Variants in HSD17B4 observed in about 807,000 individuals in gnomAD.
HSD17B4 encodes the protein hydroxysteroid 17-beta dehydrogenase 4, also known as peroxisomal multifunctional enzyme type 2.
A neutral mutation model predicts 101.0 loss-of-function variants in HSD17B4; 70 were observed. The observed-to-expected ratio is 0.69, with a 90% CI of 0.57 to 0.85. HSD17B4 has a LOEUF of 0.85. Ranked by LOEUF, HSD17B4 falls within the 40% of genes least tolerant of loss-of-function variation. HSD17B4 has a pLI of 0.00. For missense variants in HSD17B4, 984 were observed against 892.4 expected, an observed-to-expected ratio of 1.10 and a Z score of -1.31; for synonymous variants, 347 against 297.1, an observed-to-expected ratio of 1.17 and a Z score of -1.73.
chr5:119,458,061 A>G (rs369581945), intron 2 of HSD17B4, among the ~76,000 whole-genome samples: 1 of 152,214 alleles, frequency 6.6e-6, no homozygotes, highest in Non-Finnish European at 1.5e-5. Context: ...AAAAAATTAA[A>G]CAGAGATGCT....
At chr5:119,517,594 C>T (rs976510928) in intron 17 of HSD17B4, among the ~76,000 whole-genome samples, 1 of 152,212 alleles carries the variant, frequency 6.6e-6, no homozygotes, top group Non-Finnish European at 1.5e-5. Flanking sequence ...CATGGAGAAC[C>T]TTTATGTCAG....
chr5:119,476,719 A>G (rs1748618484), intron 6 of HSD17B4: 4 of 985,222 alleles, frequency 4.1e-6, no homozygotes, highest in Non-Finnish European at 1.2e-6. Context: ...CTGCAACGGG[A>G]CTGAGGTATT....
Position 119,499,612 on chromosome 5 carries a change from AT to A in HSD17B4, c.1209+60del, listed in dbSNP as rs949949491. The A allele has an allele frequency of 1.7e-4, 160 of 920,460 alleles. No homozygotes were observed. The African/African-American group carries it at 2.4e-3, about 14-fold the overall frequency. 57.0% of individuals were successfully genotyped at this position (920,460 alleles called of 1,614,324 possible). A position where few individuals can be genotyped will look rare whatever the true frequency, so the allele number is the denominator to read the frequency against. On this transcript the variant is annotated intron_variant, in intron 13 of 23. Coordinates refer to ENST00000510025, the MANE Select transcript of HSD17B4 (RefSeq NM_000414.4). ...CTATTTCTGTAAATATTATTCATTA[AT>A]GTCATATCTTATATATATGTGTGTG...
At chr5:119,481,752 C>A (rs960418108) in intron 8 of HSD17B4, among the ~76,000 whole-genome samples, 3 of 152,046 alleles carry the variant, frequency 2.0e-5, no homozygotes, top group African/African-American at 7.2e-5. Context: ...TTGCCACAAA[C>A]CTTCAATTTG....
Position 119,494,325 on chromosome 5 carries a change from T to TTTTCTTTCTTTCTTTCTTTC in HSD17B4, c.868+425_868+444dup, listed in dbSNP as rs66578057. ...TTCTCTTTCTTCCTTTCTTTCTTTC[T>TTTTCTTTCTTTCTTTCTTTC]TTTCTTTCTTTCTTTCTTTCTTTCT... On this transcript the variant is annotated intron_variant, in intron 11 of 23. Coordinates refer to ENST00000510025, the MANE Select transcript of HSD17B4 (RefSeq NM_000414.4). Among the ~76,000 whole-genome samples, 9 of 111,614 alleles carry TTTTCTTTCTTTCTTTCTTTC rather than the reference T, an allele frequency of 8.1e-5. 1 individual carries two copies. Among genetic ancestry groups the TTTTCTTTCTTTCTTTCTTTC allele is most frequent in the East Asian group, 5.2e-4 (2 of 3,844 alleles). 73.2% of individuals were successfully genotyped at this position (111,614 alleles called of 152,430 possible). A position where few individuals can be genotyped will look rare whatever the true frequency, so the allele number is the denominator to read the frequency against.
chr5:119,490,262 CT>C (rs1749984267), intron 9 of HSD17B4, among the ~76,000 whole-genome samples: 1 of 152,116 alleles, frequency 6.6e-6, no homozygotes, highest in Non-Finnish European at 1.5e-5. Context: ...GTAGAAAGAA[CT>C]TTACAACTCT....
At chr5:119,535,947 C>G (rs1448894040) in intron 22 of HSD17B4, 1 of 187,496 alleles carries the variant, frequency 5.3e-6, no homozygotes, top group South Asian at 1.0e-4. Context: ...TCATCTGTTA[C>G]CTCACCCCTC....
chr5:119,452,591 A>G lies in HSD17B4; in HGVS notation c.16A>G (p.Arg6Gly). The part of the protein sequence containing the change: MGSPL[R>G]FDGRVVLVTG... ...GGCCTTATTCATGGGCTCACCGCTGAGGTTCGACGGGCGGGTGGTACTGGT... is the reference window on the plus strand; with the variant it reads ...GGCCTTATTCATGGGCTCACCGCTGGGGTTCGACGGGCGGGTGGTACTGGT... Residue 6 changes from arginine (R) to glycine (G), a missense_variant, in exon 1 of 24, where the codon AGG becomes GGG. Transcript: ENST00000510025. 1 of 1,613,850 alleles carries G rather than the reference A, an allele frequency of 6.2e-7. No individual in the cohort carries two copies. The highest frequency in any genetic ancestry group is 1.1e-5 in the South Asian group (1 of 91,070).
At chr5:119,479,271 T>C (rs971330629) in intron 8 of HSD17B4, among the ~76,000 whole-genome samples, 14 of 152,326 alleles carry the variant, frequency 9.2e-5, no homozygotes, top group African/African-American at 2.9e-4. Context: ...ATAATTTTTT[T>C]TTTGTTTTAC....
At chr5:119,529,872 T>C (rs749982145) in intron 20 of HSD17B4, 22 bp from the exon 21 acceptor site, 1 of 1,399,394 alleles carries the variant, frequency 7.1e-7, no homozygotes, top group South Asian at 1.2e-5. Context: ...AATAAATCTT[T>C]TTTTTTTCTT....
rs146339815 is a variant in HSD17B4, at chr5:119,466,871, T to G, written c.113-7037T>G. Among the ~76,000 whole-genome samples the G allele has an allele frequency of 5.3e-3, 810 of 152,278 alleles. 3 individuals carry two copies. The highest frequency in any genetic ancestry group is 0.02 in the Middle Eastern group (6 of 294). On this transcript the variant is annotated intron_variant, in intron 2 of 23. Transcript: ENST00000510025. ...AGTTCTTTTAGATGCATTTTTAGATTGTTTATTTGAATTCTTTCTACTTTT... is the reference window on the plus strand; with the variant it reads ...AGTTCTTTTAGATGCATTTTTAGATGGTTTATTTGAATTCTTTCTACTTTT...
intron 21 of HSD17B4, 52 bp from the exon 22 acceptor site, chr5:119,531,214 C>G: frequency 6.3e-7 from 1 of 1,583,718 alleles, no homozygotes; most frequent in South Asian, 1.1e-5. Context: ...TCACTTTTCT[C>G]CATGAGTTAT....
chr5:119,493,812 A>G lies in HSD17B4; in HGVS notation c.740-6A>G. 1.2e-6 allele frequency: 2 copies of G among 1,611,964 alleles called. No individual in the cohort carries two copies. Among genetic ancestry groups the G allele is most frequent in the South Asian group, 1.1e-5 (1 of 91,044 alleles). On this transcript the variant is annotated splice_polypyrimidine_tract_variant and splice_region_variant and intron_variant, in intron 10 of 23. Coordinates refer to ENST00000510025, the MANE Select transcript of HSD17B4 (RefSeq NM_000414.4). ...CTCAGTATGTTAGTTTTGTTTCTAT[A>G]ACCAGTACGCTGGGAGCGGACTCTT...
chr5:119,502,119 A>C, intron 14 of HSD17B4, 27 bp downstream of exon 14: 1 of 1,378,938 alleles, frequency 7.3e-7, no homozygotes, highest in Non-Finnish European at 1.0e-6. Flanking sequence ...CTAATTCCAT[A>C]ATACCATACT....
At position 119,478,926 on chromosome 5, in the gene HSD17B4, A is replaced by C. The variant is rs1226630841; in HGVS notation, c.527A>C (p.Asn176Thr). 1.9e-6 allele frequency: 3 copies of C among 1,613,446 alleles called. No homozygotes were observed. Among genetic ancestry groups the C allele is most frequent in the Non-Finnish European group, 2.5e-6 (3 of 1,179,564 alleles). ...AAKLGLLGLA[N>T]SLAIEGRKSN... The stretch of plus-strand genomic sequence containing the variant: ...AAGTTGGGTCTTCTGGGCCTTGCAA[A>C]TTCTCTTGCAATTGAAGGCAGGAAA... The change falls in exon 8 of 24, where the codon AAT becomes ACT. Residue 176 changes from asparagine (N) to threonine (T), a missense_variant. Asn to Thr is a moderately conservative substitution (Grantham distance 65). Coordinates refer to ENST00000510025, the MANE Select transcript of HSD17B4 (RefSeq NM_000414.4).
At chr5:119,511,457 G>A (rs1392905094) in intron 16 of HSD17B4, among the ~76,000 whole-genome samples, 1 of 152,156 alleles carries the variant, frequency 6.6e-6, no homozygotes, top group Non-Finnish European at 1.5e-5. Flanking sequence ...CTTGCAAAGA[G>A]GCTTGAATTT....
chr5:119,483,285 T>C (rs528723), intron 8 of HSD17B4, among the ~76,000 whole-genome samples: 8,964 of 152,236 alleles, frequency 0.059, 269 homozygotes, highest in Middle Eastern at 0.096. Flanking sequence ...TCTATCTCAG[T>C]AAGCTGGGTT....
rs1754026934 is a variant in HSD17B4 at position 119,530,862 on chromosome 5, AACAAAAAAC to A, written c.1855-402_1855-394del. On this transcript the variant is annotated intron_variant, in intron 21 of 23. Transcript: ENST00000510025. Reference sequence around the variant, plus strand: ...GTCTGTCTCAAAAAAAAAAAAAAAAAACAAAAAACAAAAAAAACCCAAAACTTAAGTTTT... The same window carrying A: ...GTCTGTCTCAAAAAAAAAAAAAAAAAAAAAAAAACCCAAAACTTAAGTTTT... Among the ~76,000 whole-genome samples, 23 of 118,450 alleles carry A rather than the reference AACAAAAAAC, an allele frequency of 1.9e-4. 1 individual carries two copies. The highest frequency in any genetic ancestry group is 7.1e-4 in the African/African-American group (22 of 30,786). 77.7% of individuals were successfully genotyped at this position (118,450 alleles called of 152,430 possible).
intron 8 of HSD17B4, among the ~76,000 whole-genome samples, chr5:119,486,119 C>G (rs908690621): frequency 6.6e-6 from 1 of 152,180 alleles, no homozygotes; most frequent in African/African-American, 2.4e-5. Flanking sequence ...TTCCATAGGA[C>G]TGCTCTTGAC....
Sources: allele counts gnomAD v4.1 joint callset (sites outside exome capture counted in the v4.1 genomes callset), GRCh38; gene constraint gnomAD v4.1.1; transcripts MANE v1.5; gene names NCBI Gene and HGNC (gene_info 2026-07-23, HGNC 2026-07-21).